Variants in NUP210 observed in about 807,000 individuals in gnomAD.
NUP210 encodes nuclear pore membrane glycoprotein 210.
Under a neutral mutation model 196.0 loss-of-function variants are expected in NUP210, and 151 were observed. The ratio of observed to expected loss-of-function variants is 0.77; its 90% CI spans 0.67 to 0.88. NUP210 has a LOEUF of 0.88. Ranked by LOEUF, NUP210 falls within the 40% of genes least tolerant of loss-of-function variation. The pLI is 0.00. For synonymous variants in NUP210, 1,070 were observed against 1,052.7 expected, an observed-to-expected ratio of 1.02 and a Z score of -0.32; for missense variants, 2,314 against 2,493.7, an observed-to-expected ratio of 0.93 and a Z score of 1.53.
intron 1 of NUP210, among the ~76,000 whole-genome samples, chr3:13,401,373 C>T (rs1025256130): frequency 6.6e-6 from 1 of 152,034 alleles, no homozygotes; most frequent in Non-Finnish European, 1.5e-5. Context: ...AGGCCCCTTC[C>T]AACACACCTG....
chr3:13,336,061 G>A (rs1474596528), intron 27 of NUP210, among the ~76,000 whole-genome samples: 1 of 152,238 alleles, frequency 6.6e-6, no homozygotes, highest in African/African-American at 2.4e-5. Context: ...GGGCACCAGG[G>A]ACAGGACTCT....
At chr3:13,359,437 C>T (rs925066040) in intron 15 of NUP210, among the ~76,000 whole-genome samples, 3 of 152,196 alleles carry the variant, frequency 2.0e-5, no homozygotes, top group African/African-American at 7.2e-5. Flanking sequence ...CACCAGGCAT[C>T]TTTTCTGGCC....
rs1697028325 is a variant in NUP210, at chr3:13,332,317, G to A, written c.3911C>T (p.Ser1304Leu). 4 of 1,613,792 alleles carry A rather than the reference G, an allele frequency of 2.5e-6. No homozygotes were observed. Among genetic ancestry groups the A allele is most frequent in the Non-Finnish European group, 3.4e-6 (4 of 1,179,738 alleles). Residue 1304 changes from serine to leucine, a missense_variant, in exon 29 of 40, where the codon TCA becomes TTA. Ser to Leu is a moderately radical substitution (Grantham distance 145). Transcript: ENST00000254508. ...CCTGTTTGTCTGCAGCTTTATATAT[G>A]AGTTGGGCGACATTAATATTTGTTC... Reference protein sequence around the residue: ...EAEQILMSPNSYIKLQTNRDG... With the variant: ...EAEQILMSPNLYIKLQTNRDG...
chr3:13,360,856 C>G (rs988796137), intron 14 of NUP210, among the ~76,000 whole-genome samples: 1 of 152,234 alleles, frequency 6.6e-6, no homozygotes, highest in African/African-American at 2.4e-5. Context: ...TGTCAATGTA[C>G]AGACAGATGT....
chr3:13,373,990 TCA>T (rs1344382823), intron 11 of NUP210, 117 bp from the exon 12 acceptor site: 1 of 1,217,944 alleles, frequency 8.2e-7, no homozygotes. Flanking sequence ...ACATTTATCC[TCA>T]CACTCATGGG....
chr3:13,418,481 A>C lies in NUP210; in HGVS notation c.167+1579T>G, dbSNP rs1181936025. ...GCCAGGCATGGTGGCTCACGCCTGT[A>C]ATCTCAGCATTTTGGGAAGCTGAGG... On this transcript the variant is annotated intron_variant, in intron 1 of 39. Coordinates refer to ENST00000254508, the MANE Select transcript of NUP210 (RefSeq NM_024923.4). Among the ~76,000 whole-genome samples, 3 of 152,270 alleles carry C rather than the reference A, an allele frequency of 2.0e-5. No homozygotes were observed. In the East Asian group the frequency reaches 5.8e-4, roughly 29 times the overall value.
At chr3:13,407,091 A>T (rs1299510678) in intron 1 of NUP210, among the ~76,000 whole-genome samples, 1 of 152,202 alleles carries the variant, frequency 6.6e-6, no homozygotes, top group African/African-American at 2.4e-5. Flanking sequence ...CATCTGCACA[A>T]TAGGAATGAA....
chr3:13,379,476 C>T lies in NUP210; in HGVS notation c.976+87G>A, dbSNP rs1699030484. On this transcript the variant is annotated intron_variant, in intron 7 of 39. Coordinates refer to ENST00000254508, the MANE Select transcript of NUP210 (RefSeq NM_024923.4). The surrounding 1 kb of genome is among the most constrained non-coding windows in gnomAD (Gnocchi z 4.2). ...TGAGGGGAAACGGCTATTTTTAGCC[C>T]TGCCGAGCTTTCAGGGAAAAAAAGA... 1.3e-6 allele frequency: 2 copies of T among 1,544,748 alleles called. No homozygotes were observed. Among genetic ancestry groups the T allele is most frequent in the Non-Finnish European group, 8.9e-7 (1 of 1,122,714 alleles).
intron 20 of NUP210, among the ~76,000 whole-genome samples, chr3:13,346,658 C>T (rs2124869691): frequency 6.6e-6 from 1 of 152,326 alleles, no homozygotes; most frequent in South Asian, 2.1e-4. Flanking sequence ...TCATCTCGGT[C>T]CCCGCTTCCT....
chr3:13,409,442 G>A (rs572212304), intron 1 of NUP210, among the ~76,000 whole-genome samples: 17 of 152,168 alleles, frequency 1.1e-4, no homozygotes, highest in Non-Finnish European at 2.1e-4. Context: ...AAACCTGGAA[G>A]ACAGCCTTCA....
chr3:13,390,605 C>T (rs1699455181), intron 4 of NUP210, among the ~76,000 whole-genome samples: 1 of 152,226 alleles, frequency 6.6e-6, no homozygotes, highest in Non-Finnish European at 1.5e-5. Flanking sequence ...AGTGCAGATC[C>T]ACGGATCTGA....
Position 13,399,819 on chromosome 3 carries a change from G to A in NUP210, c.210C>T (p.Gly70=). The A allele has an allele frequency of 2.5e-6, 4 of 1,613,148 alleles. No homozygotes were observed. The highest frequency in any genetic ancestry group is 2.5e-6 in the Non-Finnish European group (3 of 1,179,590). The change falls in exon 2 of 40, where the codon GGC becomes GGT. Residue 70 remains glycine (G), a synonymous_variant. Coordinates refer to ENST00000254508, the MANE Select transcript of NUP210 (RefSeq NM_024923.4). ...TCTGGGAGCACTGCTGCTCGTCCAG[G>A]CCCAGCGGCTCGATGCTGGCCACCT... The part of the protein sequence containing the change: ...RPEVASIEPL[G]LDEQQCSQKA...
chr3:13,369,701 C>G (rs1259616256), intron 13 of NUP210, among the ~76,000 whole-genome samples: 3 of 152,326 alleles, frequency 2.0e-5, no homozygotes, highest in African/African-American at 7.2e-5. Context: ...TCTTGGCACC[C>G]TTACCAAAAA....
intron 20 of NUP210, chr3:13,345,315 C>G (rs78859011): frequency 3.8e-6 from 3 of 779,382 alleles, no homozygotes; most frequent in Admixed American, 6.3e-5. Context: ...AATGAGTTAA[C>G]TGAGGCCCAG....
In NUP210 at chr3:13,347,342, G is replaced by A. The variant is rs1253929086; in HGVS notation, c.2836-4039C>T. ...CCAGCAGGCTCCTTCCCCTGCTCTG[G>A]TCATCTCATGGGTTCCGCCTAGAGG... On this transcript the variant is annotated intron_variant, in intron 20 of 39. Transcript: ENST00000254508. The surrounding 1 kb of genome is among the most constrained non-coding windows in gnomAD (Gnocchi z 4.7). The A allele has an allele frequency of 2.0e-6, 2 of 985,042 alleles. No individual in the cohort carries two copies. Among genetic ancestry groups the A allele is most frequent in the East Asian group, 2.3e-4 (2 of 8,826 alleles). 61.0% of individuals were successfully genotyped at this position (985,042 alleles called of 1,614,324 possible).
chr3:13,400,509 T>C (rs1322906588), intron 1 of NUP210, among the ~76,000 whole-genome samples: 3 of 152,176 alleles, frequency 2.0e-5, no homozygotes, highest in Non-Finnish European at 4.4e-5. Flanking sequence ...ATAACAGGAA[T>C]GTGTGGGGAA....
At chr3:13,372,261 G>C (rs186140078) in intron 12 of NUP210, among the ~76,000 whole-genome samples, 1 of 152,324 alleles carries the variant, frequency 6.6e-6, no homozygotes, top group African/African-American at 2.4e-5. Context: ...GGCAAAGCCT[G>C]GGGGAAGAAC....
chr3:13,417,274 G>A (rs1438967492), intron 1 of NUP210, among the ~76,000 whole-genome samples: 2 of 152,118 alleles, frequency 1.3e-5, no homozygotes, highest in African/African-American at 4.8e-5. Context: ...GTTTAAACTA[G>A]GTGACCTCTA....
chr3:13,373,974 T>G, intron 11 of NUP210, 101 bp from the exon 12 acceptor site: 1 of 1,323,426 alleles, frequency 7.6e-7, no homozygotes, highest in Non-Finnish European at 1.1e-6. Context: ...GTACTCACAC[T>G]CATACACATT....
Sources: allele counts gnomAD v4.1 joint callset (sites outside exome capture counted in the v4.1 genomes callset), GRCh38; gene constraint gnomAD v4.1.1; non-coding constraint Gnocchi (gnomAD v3.1); transcripts MANE v1.5; gene names NCBI Gene and HGNC (gene_info 2026-07-23, HGNC 2026-07-21).